ASTN1: variants seen among roughly 807,000 people sequenced by gnomAD.
The protein encoded by ASTN1 is astrotactin 1, also known as astrotactin-1.
ASTN1 carries 41 observed loss-of-function variants against 140.7 expected under a neutral mutation model. The observed-to-expected ratio is 0.29, with a 90% confidence interval of 0.23 to 0.38. The LOEUF (loss-of-function observed/expected upper bound fraction) is 0.38, where lower values mean the gene tolerates loss of function less well. ASTN1 is among the 10% of genes least tolerant of loss of function. The probability of loss-of-function intolerance (pLI) is 1.00; values close to 1 mark genes in which losing one functional copy is unlikely to be tolerated. For missense variants in ASTN1, 1,479 were observed against 1,678.8 expected, an observed-to-expected ratio of 0.88 and a Z score of 2.08; for synonymous variants, 640 against 652.2, an observed-to-expected ratio of 0.98 and a Z score of 0.29.
chr1:176,911,155 A>G (rs917638293), intron 16 of ASTN1, among the ~76,000 whole-genome samples: 1 of 152,176 alleles, frequency 6.6e-6, no homozygotes, highest in African/African-American at 2.4e-5. Context: ...CTGTAATAAC[A>G]TGGTATAAAA....
At chr1:176,965,566 T>G (rs1672841285) in intron 8 of ASTN1, among the ~76,000 whole-genome samples, 1 of 152,224 alleles carries the variant, frequency 6.6e-6, no homozygotes, top group Non-Finnish European at 1.5e-5. Context: ...CACAGAAACC[T>G]AGCTTGGGCT....
rs199813079 is a variant in ASTN1 at position 177,011,827 on chromosome 1, C to CA, written c.1523+2963dup. ...AGTTGCAGGTGCCACTCCTCCACCT[C>CA]AAAAAAAAAATCAATTTGTAACTTC... On this transcript the variant is annotated intron_variant, in intron 8 of 22. Transcript: ENST00000361833. 4.3e-3 allele frequency among the ~76,000 whole-genome samples: 648 copies of CA among 149,184 alleles called. 2 individuals carry two copies. Among genetic ancestry groups the CA allele is most frequent in the Non-Finnish European group, 7.5e-3 (503 of 67,096 alleles).
In ASTN1 at chr1:177,038,411, T is replaced by C. The variant is rs1197650491; in HGVS notation, c.472-5562A>G. ...CCAGGTTAAAACGCAGCGCCTGGCATAAAGCAGATGGTCAATAATTGTGGG... is the reference window on the plus strand; with the variant it reads ...CCAGGTTAAAACGCAGCGCCTGGCACAAAGCAGATGGTCAATAATTGTGGG... On this transcript the variant is annotated intron_variant, in intron 2 of 22. Transcript: ENST00000361833. Among the ~76,000 whole-genome samples, 7 of 151,510 alleles carry C rather than the reference T, an allele frequency of 4.6e-5. No individual in the cohort carries two copies. In the East Asian group the frequency reaches 1.2e-3, roughly 25 times the overall value.
At chr1:177,107,052 C>A (rs1341975187) in intron 1 of ASTN1, among the ~76,000 whole-genome samples, 2 of 152,130 alleles carry the variant, frequency 1.3e-5, no homozygotes, top group Non-Finnish European at 2.9e-5. Flanking sequence ...GGGCAGCTGG[C>A]AGTTTATCTA....
intron 1 of ASTN1, among the ~76,000 whole-genome samples, chr1:177,131,445 G>C (rs1681937316): frequency 6.6e-6 from 1 of 152,134 alleles, no homozygotes; most frequent in African/African-American, 2.4e-5. Flanking sequence ...TATATATTGA[G>C]AGATTATGTT....
intron 1 of ASTN1, among the ~76,000 whole-genome samples, chr1:177,070,415 AT>A (rs1678580522): frequency 6.6e-6 from 1 of 152,236 alleles, no homozygotes; most frequent in Non-Finnish European, 1.5e-5. Context: ...GCCTTATAAA[AT>A]GAATGGAAAA....
At chr1:177,065,349 C>T (rs1049847715) in intron 1 of ASTN1, among the ~76,000 whole-genome samples, 1 of 152,176 alleles carries the variant, frequency 6.6e-6, no homozygotes, top group Admixed American at 6.5e-5. Flanking sequence ...TCTATGGAAA[C>T]CAGGGTGCTA....
At chr1:176,987,574 C>T (rs1432649890) in intron 8 of ASTN1, among the ~76,000 whole-genome samples, 2 of 152,202 alleles carry the variant, frequency 1.3e-5, no homozygotes, top group Non-Finnish European at 1.5e-5. Context: ...ACCCTCTCTG[C>T]CTCTCCTGTC....
At chr1:177,148,722 G>T (rs560900548) in intron 1 of ASTN1, among the ~76,000 whole-genome samples, 87 of 150,880 alleles carry the variant, frequency 5.8e-4, no homozygotes, top group African/African-American at 2.1e-3. Flanking sequence ...GAAAAGAAGA[G>T]ACCAGTTTCA....
At chr1:177,122,894 G>T (rs1041634719) in intron 1 of ASTN1, among the ~76,000 whole-genome samples, 2 of 152,140 alleles carry the variant, frequency 1.3e-5, no homozygotes, top group Non-Finnish European at 2.9e-5. Flanking sequence ...GCTAGGATCA[G>T]AACAACAAAG....
At chr1:176,930,605 T>C (rs1204545552) in intron 16 of ASTN1, among the ~76,000 whole-genome samples, 2 of 152,154 alleles carry the variant, frequency 1.3e-5, no homozygotes, top group African/African-American at 4.8e-5. Context: ...AGAGAGGATT[T>C]TCAAGAAAGC....
At chr1:176,881,357 C>T (rs1227546121) in intron 20 of ASTN1, among the ~76,000 whole-genome samples, 2 of 152,202 alleles carry the variant, frequency 1.3e-5, no homozygotes, top group African/African-American at 4.8e-5. Flanking sequence ...CGCAGCCAAT[C>T]AGGCCAACAT....
chr1:177,053,420 A>G (rs559012284), intron 2 of ASTN1, among the ~76,000 whole-genome samples: 1 of 152,340 alleles, frequency 6.6e-6, no homozygotes, highest in African/African-American at 2.4e-5. Context: ...AAGACTGAAA[A>G]GGAGTGGAAA....
At chr1:177,157,463 C>T (rs973808017) in intron 1 of ASTN1, among the ~76,000 whole-genome samples, 53 of 152,132 alleles carry the variant, frequency 3.5e-4, no homozygotes, top group African/African-American at 1.0e-3. Context: ...TACAGGCACA[C>T]GCCACCATAT....
At chr1:177,112,165 T>A (rs1680852419) in intron 1 of ASTN1, among the ~76,000 whole-genome samples, 1 of 152,230 alleles carries the variant, frequency 6.6e-6, no homozygotes, top group Non-Finnish European at 1.5e-5. Context: ...GGAAACCAAC[T>A]TCATAGCAAA....
intron 11 of ASTN1, among the ~76,000 whole-genome samples, chr1:176,957,119 G>T (rs1244172552): frequency 6.6e-6 from 1 of 151,874 alleles, no homozygotes; most frequent in African/African-American, 2.4e-5. Context: ...GCCCAGGCTG[G>T]TCTCAAACTC....
intron 5 of ASTN1, among the ~76,000 whole-genome samples, chr1:177,027,547 G>A (rs772304122): frequency 2.1e-4 from 31 of 150,188 alleles, no homozygotes; most frequent in African/African-American, 6.9e-4. Context: ...TTACCATCTC[G>A]TGTGCGTATA....
rs1466514795 is a variant in ASTN1, at chr1:177,029,648, C to T, written c.1106G>A (p.Arg369Lys). 3.7e-6 allele frequency: 6 copies of T among 1,613,716 alleles called. No individual in the cohort carries two copies. The highest frequency in any genetic ancestry group is 1.3e-5 in the African/African-American group (1 of 74,924). The stretch of plus-strand genomic sequence containing the variant: ...ATCATTCCTACCTCTACTACGCCTC[C>T]TGCTCCTTGAAGGATCCGTGTAAAA... ...LTFYTDPSRS[R>K]RRSRVGSPRS... is the part of the protein sequence containing the mutation. Residue 369 changes from arginine (R) to lysine (K), a missense_variant, in exon 5 of 23, where the codon AGG becomes AAG. Arg to Lys is a conservative substitution (Grantham distance 26). This residue lies in a region of ASTN1 where 729 missense variants were observed against 860.4 expected (regional missense o/e 0.85). Coordinates refer to ENST00000361833, the MANE Select transcript of ASTN1 (RefSeq NM_004319.3).
intron 5 of ASTN1, among the ~76,000 whole-genome samples, chr1:177,026,265 C>A (rs972906210): frequency 1.3e-5 from 2 of 152,080 alleles, no homozygotes; most frequent in African/African-American, 2.4e-5. Flanking sequence ...TATTTTCCTA[C>A]GCTTACAGGT....
Sources: gnomAD v4.1 joint callset for allele counts (sites outside exome capture counted in the v4.1 genomes callset) on GRCh38, gnomAD v4.1.1 for gene constraint, gnomAD v4.1.1 regional missense constraint, MANE v1.5 for transcripts, NCBI Gene and HGNC (gene_info 2026-07-23, HGNC 2026-07-21) for gene names.